The following JAKMIP1 variants were observed in gnomAD, a reference collection of about 807,000 sequenced individuals.
The protein encoded by JAKMIP1 is janus kinase and microtubule-interacting protein 1.
JAKMIP1 carries 33 observed loss-of-function variants against 113.0 expected under a neutral mutation model. The observed-to-expected ratio is 0.29, with a 90% CI of 0.22 to 0.39. The LOEUF (loss-of-function observed/expected upper bound fraction) is 0.39. JAKMIP1 is among the 10% of genes least tolerant of loss of function. The pLI is 1.00. For synonymous variants in JAKMIP1, 480 were observed against 459.9 expected, an observed-to-expected ratio of 1.04 and a Z score of -0.56; for missense variants, 813 against 1,080.5, an observed-to-expected ratio of 0.75 and a Z score of 3.47.
chr4:6,126,422 AACAC>A (rs1315049621), intron 1 of JAKMIP1, among the ~76,000 whole-genome samples: 30 of 83,660 alleles, frequency 3.6e-4, no homozygotes, highest in Middle Eastern at 6.0e-3. Flanking sequence ...ACCGTACAGA[AACAC>A]ACACACACAA....
In JAKMIP1 at chr4:6,081,306, C is replaced by A. The variant is rs570471687; in HGVS notation, c.1101+303G>T. Reference sequence around the variant, plus strand: ...GCTGTTATTTCATCCTCTTGATGATCCTCCAGTGTGGATATTTTCATTCCC... The same window carrying A: ...GCTGTTATTTCATCCTCTTGATGATACTCCAGTGTGGATATTTTCATTCCC... On this transcript the variant is annotated intron_variant, in intron 6 of 20. Transcript: ENST00000409021. This position sits in a 1 kb window ranked among gnomAD's most constrained non-coding sequence, Gnocchi z 4.6. 2.0e-5 allele frequency among the ~76,000 whole-genome samples: 3 copies of A among 152,194 alleles called. No individual in the cohort carries two copies. The highest frequency in any genetic ancestry group is 7.2e-5 in the African/African-American group (3 of 41,450).
At position 6,142,254 on chromosome 4, in the gene JAKMIP1, A is replaced by T. The variant is rs139187317; in HGVS notation, c.-147-29257T>A. Among the ~76,000 whole-genome samples the T allele has an allele frequency of 1.4e-3, 219 of 152,246 alleles. No homozygotes were observed. Among genetic ancestry groups the T allele is most frequent in the South Asian group, 3.3e-3 (16 of 4,820 alleles). On this transcript the variant is annotated intron_variant, in intron 1 of 20. Coordinates refer to ENST00000409021, the MANE Select transcript of JAKMIP1 (RefSeq NM_001099433.2). This position sits in a 1 kb window ranked among gnomAD's most constrained non-coding sequence, Gnocchi z 5.5. ...ATTTAGAATTTTTTTCCATGGAGAG[A>T]TTCCCTTTCCAATTCACTGGCCAAA...
Position 6,106,336 on chromosome 4 carries a change from T to A in JAKMIP1, c.130-369A>T, listed in dbSNP as rs966595617. On this transcript the variant is annotated intron_variant, in intron 2 of 20. Transcript: ENST00000409021. The surrounding 1 kb of genome is among the most constrained non-coding windows in gnomAD (Gnocchi z 5.9). ...AAAGATTGTAAACCAGAAATATATTTCCAGGGCCCCATGCGCGGACTGTGG... is the reference window on the plus strand; with the variant it reads ...AAAGATTGTAAACCAGAAATATATTACCAGGGCCCCATGCGCGGACTGTGG... 3.3e-5 allele frequency among the ~76,000 whole-genome samples: 5 copies of A among 152,068 alleles called. No homozygotes were observed. The highest frequency in any genetic ancestry group is 1.2e-4 in the African/African-American group (5 of 41,406).
chr4:6,151,975 C>A (rs1370450986), intron 1 of JAKMIP1, among the ~76,000 whole-genome samples: 1 of 152,108 alleles, frequency 6.6e-6, no homozygotes. Context: ...ACTTGGTAAC[C>A]ACTACGGGGC....
rs181789324 is a variant in JAKMIP1 at position 6,084,173 on chromosome 4, C to T, written c.954+673G>A. ...CCTCTACTAAATGTACAAAATTAGC[C>T]GGGCATGGTGGCACATGCCTGTAAT... is the stretch of plus-strand genomic sequence containing the variant. On this transcript the variant is annotated intron_variant, in intron 5 of 20. Coordinates refer to ENST00000409021, the MANE Select transcript of JAKMIP1 (RefSeq NM_001099433.2). Among the ~76,000 whole-genome samples the T allele has an allele frequency of 2.6e-3, 399 of 152,050 alleles. 4 individuals are homozygous for T. The highest frequency in any genetic ancestry group is 9.1e-3 in the African/African-American group (379 of 41,452).
At position 6,044,953 on chromosome 4, in the gene JAKMIP1, T is replaced by G. The variant is rs1167819024; in HGVS notation, c.2029-2726A>C. On this transcript the variant is annotated intron_variant, in intron 16 of 20. Transcript: ENST00000409021. This position sits in a 1 kb window ranked among gnomAD's most constrained non-coding sequence, Gnocchi z 4.4. ...GGGGTCTCAGGCTGGGGAGGAGAAG[T>G]GAGTCCACTCACAGGGAGGTGCTGA... Among the ~76,000 whole-genome samples the G allele has an allele frequency of 6.6e-6, 1 of 152,146 alleles. No individual in the cohort carries two copies. Among genetic ancestry groups the G allele is most frequent in the East Asian group, 1.9e-4 (1 of 5,174 alleles).
At chr4:6,191,725 G>A (rs913005497) in intron 1 of JAKMIP1, among the ~76,000 whole-genome samples, 17 of 152,114 alleles carry the variant, frequency 1.1e-4, no homozygotes, top group Admixed American at 7.2e-4. Flanking sequence ...CAACATGCAC[G>A]CCACGTGTAA....
intron 8 of JAKMIP1, among the ~76,000 whole-genome samples, chr4:6,077,975 C>G (rs914320647): frequency 6.6e-6 from 1 of 152,200 alleles, no homozygotes; most frequent in Non-Finnish European, 1.5e-5. Context: ...CACCCTGACA[C>G]CAAGACCACA....
rs71984154 is a variant in JAKMIP1 at position 6,139,055 on chromosome 4, A to AACACACACACACAC, written c.-147-26072_-147-26059dup. On this transcript the variant is annotated intron_variant, in intron 1 of 20. Coordinates refer to ENST00000409021, the MANE Select transcript of JAKMIP1 (RefSeq NM_001099433.2). This position sits in a 1 kb window ranked among gnomAD's most constrained non-coding sequence, Gnocchi z 5.2. Reference sequence around the variant, plus strand: ...ATTGTTTGCATGTGACATCATTAGAAACACACACACACACACACACACACA... The same window carrying AACACACACACACAC: ...ATTGTTTGCATGTGACATCATTAGAAACACACACACACACACACACACACACACACACACACACA... Among the ~76,000 whole-genome samples, 1 of 103,422 alleles carries AACACACACACACAC rather than the reference A, an allele frequency of 9.7e-6. No individual in the cohort carries two copies. Among genetic ancestry groups the AACACACACACACAC allele is most frequent in the African/African-American group, 2.9e-5 (1 of 34,480 alleles). 67.8% of individuals were successfully genotyped at this position (103,422 alleles called of 152,430 possible).
In JAKMIP1 at chr4:6,188,782, G is replaced by A. The variant is rs1726912919; in HGVS notation, c.-148+11471C>T. On this transcript the variant is annotated intron_variant, in intron 1 of 20. Coordinates refer to ENST00000409021, the MANE Select transcript of JAKMIP1 (RefSeq NM_001099433.2). The surrounding 1 kb of genome is among the most constrained non-coding windows in gnomAD (Gnocchi z 5.8). Reference sequence around the variant, plus strand: ...CATTTGTCCCTATAGAAAAATCCGGGGCTCTGCAATACACAGGCTCTCACA... The same window carrying A: ...CATTTGTCCCTATAGAAAAATCCGGAGCTCTGCAATACACAGGCTCTCACA... Among the ~76,000 whole-genome samples, 1 of 152,088 alleles carries A rather than the reference G, an allele frequency of 6.6e-6. No homozygotes were observed. Among genetic ancestry groups the A allele is most frequent in the African/African-American group, 2.4e-5 (1 of 41,386 alleles).
At chr4:6,172,734 T>C (rs1050707762) in intron 1 of JAKMIP1, among the ~76,000 whole-genome samples, 3 of 152,182 alleles carry the variant, frequency 2.0e-5, no homozygotes, top group Non-Finnish European at 4.4e-5. Flanking sequence ...AGAAAACTTA[T>C]CTCACCTGCA....
Position 6,064,075 on chromosome 4 carries a change from G to A in JAKMIP1, c.1431+805C>T, listed in dbSNP as rs1224986299. ...AAAAAGCCACCAGGGGCCTGCATGGGAAGAGGCAGAAGAGCAAGGTAGGGA... is the reference window on the plus strand; with the variant it reads ...AAAAAGCCACCAGGGGCCTGCATGGAAAGAGGCAGAAGAGCAAGGTAGGGA... On this transcript the variant is annotated intron_variant, in intron 9 of 20. Coordinates refer to ENST00000409021, the MANE Select transcript of JAKMIP1 (RefSeq NM_001099433.2). The surrounding 1 kb of genome is among the most constrained non-coding windows in gnomAD (Gnocchi z 4.3). Among the ~76,000 whole-genome samples, 1 of 152,276 alleles carries A rather than the reference G, an allele frequency of 6.6e-6. No homozygotes were observed. Among genetic ancestry groups the A allele is most frequent in the Non-Finnish European group, 1.5e-5 (1 of 68,052 alleles).
chr4:6,064,168 G>A lies in JAKMIP1; in HGVS notation c.1431+712C>T, dbSNP rs1717712327. Among the ~76,000 whole-genome samples the A allele has an allele frequency of 6.6e-6, 1 of 152,238 alleles. No homozygotes were observed. Among genetic ancestry groups the A allele is most frequent in the African/African-American group, 2.4e-5 (1 of 41,458 alleles). ...GGAAGGTCTGCGCTGAATGAAGTCTGCTGTTTAGGAAATTAATCAAATGTG... is the reference window on the plus strand; with the variant it reads ...GGAAGGTCTGCGCTGAATGAAGTCTACTGTTTAGGAAATTAATCAAATGTG... On this transcript the variant is annotated intron_variant, in intron 9 of 20. Coordinates refer to ENST00000409021, the MANE Select transcript of JAKMIP1 (RefSeq NM_001099433.2). This position sits in a 1 kb window ranked among gnomAD's most constrained non-coding sequence, Gnocchi z 4.3.
rs1717921687 is a variant in JAKMIP1, at chr4:6,065,393, C to T, written c.1303-385G>A. Among the ~76,000 whole-genome samples, 1 of 152,208 alleles carries T rather than the reference C, an allele frequency of 6.6e-6. No homozygotes were observed. The highest frequency in any genetic ancestry group is 1.5e-5 in the Non-Finnish European group (1 of 68,042). The stretch of plus-strand genomic sequence containing the variant: ...GTGCCCAGAAAGCAGCCCAGCACTC[C>T]GTCACGCTCCATGAGCAGCGCACTG... On this transcript the variant is annotated intron_variant, in intron 8 of 20. Coordinates refer to ENST00000409021, the MANE Select transcript of JAKMIP1 (RefSeq NM_001099433.2). This position sits in a 1 kb window ranked among gnomAD's most constrained non-coding sequence, Gnocchi z 5.1.
In JAKMIP1 at chr4:6,040,816, G is replaced by C; in HGVS notation, c.2098-100C>G. 1 of 871,298 alleles carries C rather than the reference G, an allele frequency of 1.1e-6. No individual in the cohort carries two copies. Among genetic ancestry groups the C allele is most frequent in the Non-Finnish European group, 1.9e-6 (1 of 533,706 alleles). The allele number at this position is 871,298 out of a possible 1,614,324, so 54.0% of individuals were successfully genotyped here. The stretch of plus-strand genomic sequence containing the variant: ...AGAGAGTGGCAGTCTCACCGAATTG[G>C]GGGCACTCAGATGAGAAGGGACTTG... On this transcript the variant is annotated intron_variant, in intron 17 of 20. Transcript: ENST00000409021. The surrounding 1 kb of genome is among the most constrained non-coding windows in gnomAD (Gnocchi z 5.8).
In JAKMIP1 at chr4:6,136,926, G is replaced by A. The variant is rs1719331091; in HGVS notation, c.-147-23929C>T. 6.6e-6 allele frequency among the ~76,000 whole-genome samples: 1 copy of A among 152,168 alleles called. No individual in the cohort carries two copies. Among genetic ancestry groups the A allele is most frequent in the Admixed American group, 6.5e-5 (1 of 15,280 alleles). Reference sequence around the variant, plus strand: ...TTTGGCAAGCGCATGGGATTCCACTGACCATGCCATTGTACAGATGAGGAA... The same window carrying A: ...TTTGGCAAGCGCATGGGATTCCACTAACCATGCCATTGTACAGATGAGGAA... On this transcript the variant is annotated intron_variant, in intron 1 of 20. Coordinates refer to ENST00000409021, the MANE Select transcript of JAKMIP1 (RefSeq NM_001099433.2). This position sits in a 1 kb window ranked among gnomAD's most constrained non-coding sequence, Gnocchi z 5.9.
intron 1 of JAKMIP1, among the ~76,000 whole-genome samples, chr4:6,124,968 G>A (rs971580573): frequency 1.4e-4 from 21 of 152,192 alleles, no homozygotes; most frequent in Admixed American, 1.0e-3. Context: ...CCATTTTACA[G>A]ATGAGAAAAC....
In JAKMIP1 at chr4:6,042,190, G is replaced by A. The variant is rs1187739696; in HGVS notation, c.2066C>T (p.Thr689Ile). Residue 689 changes from threonine to isoleucine, a missense_variant, in exon 17 of 21, where the codon ACC becomes ATC. Thr to Ile is a moderately conservative substitution (Grantham distance 89). Around this residue, in one of 2 missense-constraint regions of JAKMIP1, gnomAD observed 273 missense variants for 426.6 expected, o/e 0.64. Transcript: ENST00000409021. The surrounding 1 kb of genome is among the most constrained non-coding windows in gnomAD (Gnocchi z 5.2). ...CTTCTCCAGGTCCAGCATCTTCTGG[G>A]TCAGGGCGGCCTCGGTCCCCTCTAT... ...KQIEGTEAALTQKMLDLEKEK... is the reference protein window; with the variant it reads ...KQIEGTEAALIQKMLDLEKEK... 7 of 1,613,876 alleles carry A rather than the reference G, an allele frequency of 4.3e-6. No individual in the cohort carries two copies. Among genetic ancestry groups the A allele is most frequent in the Non-Finnish European group, 5.9e-6 (7 of 1,179,866 alleles).
At position 6,157,758 on chromosome 4, in the gene JAKMIP1, C is replaced by T. The variant is rs950595760; in HGVS notation, c.-148+42495G>A. On this transcript the variant is annotated intron_variant, in intron 1 of 20. Coordinates refer to ENST00000409021, the MANE Select transcript of JAKMIP1 (RefSeq NM_001099433.2). The surrounding 1 kb of genome is among the most constrained non-coding windows in gnomAD (Gnocchi z 4.7). The stretch of plus-strand genomic sequence containing the variant: ...GGTTAGATATGCCTCTCCGTAAACA[C>T]CAGCCATGAAGCAGCACACCCAGTA... Among the ~76,000 whole-genome samples the T allele has an allele frequency of 6.6e-6, 1 of 152,174 alleles. No homozygotes were observed. The highest frequency in any genetic ancestry group is 1.5e-5 in the Non-Finnish European group (1 of 68,036).
Sources: gnomAD v4.1 joint callset for allele counts (sites outside exome capture counted in the v4.1 genomes callset) on GRCh38, gnomAD v4.1.1 for gene constraint, gnomAD v4.1.1 regional missense constraint, Gnocchi (gnomAD v3.1) non-coding constraint, MANE v1.5 for transcripts, NCBI Gene and HGNC (gene_info 2026-07-23, HGNC 2026-07-21) for gene names.